Variants in SOX5 observed in about 807,000 individuals in gnomAD.
SOX5 encodes the protein transcription factor SOX-5.
A neutral mutation model predicts 92.0 loss-of-function variants in SOX5; 9 were observed. That is an observed-to-expected ratio of 0.10 (90% confidence interval 0.06 to 0.17). SOX5 has a LOEUF of 0.17. Among genes scored for constraint, SOX5 ranks in the 10% least tolerant of loss-of-function variants. The pLI is 1.00. For synonymous variants in SOX5, 344 were observed against 336.3 expected (o/e 1.02, Z -0.25); for missense variants, 642 against 944.5 (o/e 0.68, Z 4.20).
chr12:23,748,922 T>G (rs1195479508), intron 4 of SOX5, among the ~76,000 whole-genome samples: 1 of 151,964 alleles, frequency 6.6e-6, no homozygotes, highest in African/African-American at 2.4e-5. Flanking sequence ...ACTAATGGTA[T>G]TTGCTACCAT....
chr12:23,817,463 G>A (rs2096017272), intron 3 of SOX5, among the ~76,000 whole-genome samples: 1 of 152,116 alleles, frequency 6.6e-6, no homozygotes, highest in Non-Finnish European at 1.5e-5. Context: ...CTTTTCTCTG[G>A]AAGTTGTGAA....
chr12:23,748,496 G>A (rs772064872), intron 4 of SOX5, among the ~76,000 whole-genome samples: 29 of 151,890 alleles, frequency 1.9e-4, no homozygotes, highest in Non-Finnish European at 3.7e-4. Context: ...TAGATAAATG[G>A]CTTGAAATCA....
chr12:24,537,231 A>G (rs999713556), intron 1 of SOX5, among the ~76,000 whole-genome samples: 1 of 152,246 alleles, frequency 6.6e-6, no homozygotes, highest in Non-Finnish European at 1.5e-5. Context: ...TTATTCTGCA[A>G]CTGGTAACAT....
At chr12:23,832,277 C>T (rs2096339203) in intron 3 of SOX5, among the ~76,000 whole-genome samples, 1 of 151,812 alleles carries the variant, frequency 6.6e-6, no homozygotes, top group Non-Finnish European at 1.5e-5. Context: ...TAGGCAACTG[C>T]CCAACTACAT....
chr12:24,081,082 G>T (rs990695299), intron 4 of SOX5, among the ~76,000 whole-genome samples: 21 of 151,920 alleles, frequency 1.4e-4, no homozygotes, highest in African/African-American at 5.1e-4. Flanking sequence ...GATATCAAGA[G>T]AAATCACAAA....
At chr12:23,630,406 T>C (rs1177691350) in intron 8 of SOX5, among the ~76,000 whole-genome samples, 1 of 151,990 alleles carries the variant, frequency 6.6e-6, no homozygotes, top group Admixed American at 6.6e-5. Context: ...CTTTATTTTA[T>C]ACCACAGAGA....
chr12:24,342,200 C>A (rs1952656998), intron 2 of SOX5, among the ~76,000 whole-genome samples: 1 of 152,188 alleles, frequency 6.6e-6, no homozygotes, highest in African/African-American at 2.4e-5. Context: ...TAAACTCTGT[C>A]TGACTCCATA....
chr12:23,839,173 C>T (rs2096480587), intron 3 of SOX5, among the ~76,000 whole-genome samples: 3 of 151,886 alleles, frequency 2.0e-5, no homozygotes, highest in Admixed American at 2.0e-4. Context: ...ATGTCTCCTG[C>T]TAAGAAAATT....
At chr12:24,327,385 CTTTTTTTTTTTTTTT>C (rs71063311) in intron 2 of SOX5, among the ~76,000 whole-genome samples, 1 of 56,686 alleles carries the variant, frequency 1.8e-5, no homozygotes, top group Non-Finnish European at 3.2e-5. Context: ...GCAATGGAGA[CTTTTTTTTTTTTTTT>C]TTTTTTTTTT....
chr12:23,593,496 G>A (rs6487350), intron 9 of SOX5, among the ~76,000 whole-genome samples: 105,525 of 151,930 alleles, frequency 0.69, 36,972 homozygotes, highest in Middle Eastern at 0.82. Flanking sequence ...GCTTTGTGCA[G>A]TTAATGCCAC....
At chr12:23,619,609 C>T (rs1566412210) in intron 8 of SOX5, among the ~76,000 whole-genome samples, 1 of 152,072 alleles carries the variant, frequency 6.6e-6, no homozygotes, top group Non-Finnish European at 1.5e-5. Context: ...AAGGGTAATT[C>T]AGAAAGCACC....
At chr12:23,764,935 T>C (rs950064844) in intron 3 of SOX5, among the ~76,000 whole-genome samples, 2 of 152,064 alleles carry the variant, frequency 1.3e-5, no homozygotes, top group African/African-American at 4.8e-5. Context: ...GCCTGCCAGA[T>C]GCCTGAAAAG....
chr12:24,292,851 G>T (rs932912851), intron 2 of SOX5, among the ~76,000 whole-genome samples: 1 of 152,124 alleles, frequency 6.6e-6, no homozygotes, highest in Admixed American at 6.6e-5. Context: ...AAACGCAGTC[G>T]CTCTTCCACT....
chr12:24,363,324 C>G (rs972755076), intron 2 of SOX5, among the ~76,000 whole-genome samples: 1 of 152,070 alleles, frequency 6.6e-6, no homozygotes, highest in African/African-American at 2.4e-5. Context: ...TCTCTTCTTT[C>G]TGCCATCACT....
chr12:24,266,649 TTTCTA>T (rs1335905433), intron 3 of SOX5, among the ~76,000 whole-genome samples: 3 of 152,376 alleles, frequency 2.0e-5, no homozygotes, highest in Non-Finnish European at 4.4e-5. Flanking sequence ...ATTATTTCTA[TTTCTA>T]TTCATTTGTA....
intron 6 of SOX5, among the ~76,000 whole-genome samples, chr12:23,728,375 T>C (rs929891226): frequency 6.6e-6 from 1 of 152,186 alleles, no homozygotes; most frequent in African/African-American, 2.4e-5. Flanking sequence ...ATTTGCAGTC[T>C]CCAAAAGAGA....
intron 1 of SOX5, among the ~76,000 whole-genome samples, chr12:24,495,510 G>A (rs1325294955): frequency 6.6e-6 from 1 of 152,182 alleles, no homozygotes; most frequent in Non-Finnish European, 1.5e-5. Flanking sequence ...CAACAATGTT[G>A]CATTGCAAAG....
At chr12:24,489,602 T>C (rs1302984691) in intron 1 of SOX5, among the ~76,000 whole-genome samples, 3 of 150,112 alleles carry the variant, frequency 2.0e-5, no homozygotes, top group Non-Finnish European at 4.4e-5. Context: ...AAAATCTTCA[T>C]GCTTCCAAAT....
intron 9 of SOX5, among the ~76,000 whole-genome samples, chr12:23,592,278 AT>A (rs1469355566): frequency 2.0e-5 from 3 of 152,186 alleles, no homozygotes; most frequent in African/African-American, 7.2e-5. Flanking sequence ...AAAAAGGAAA[AT>A]TCTTTTAATT....
Sources: gnomAD v4.1 joint callset for allele counts (sites outside exome capture counted in the v4.1 genomes callset) on GRCh38, gnomAD v4.1.1 for gene constraint, MANE v1.5 for transcripts, NCBI Gene and HGNC (gene_info 2026-07-23, HGNC 2026-07-21) for gene names.